Variants in SLC39A11 observed in about 807,000 individuals in gnomAD.
SLC39A11 encodes zinc transporter ZIP11.
Under a neutral mutation model 36.1 loss-of-function variants are expected in SLC39A11, and 33 were observed. That is an observed-to-expected ratio of 0.91 (90% CI 0.69 to 1.22). SLC39A11 has a LOEUF of 1.22. SLC39A11 is among the 50% of genes most tolerant of loss of function. The probability of loss-of-function intolerance (pLI) is 0.00; values close to 1 mark genes in which losing one functional copy is unlikely to be tolerated. For missense variants in SLC39A11, 432 were observed against 430.3 expected (o/e 1.00, Z -0.03); for synonymous variants, 166 against 170.3 (o/e 0.97, Z 0.20).
intron 5 of SLC39A11, among the ~76,000 whole-genome samples, chr17:72,924,216 C>A (rs187076257): frequency 7.1e-6 from 1 of 140,676 alleles, no homozygotes; most frequent in East Asian, 2.1e-4. Context: ...AGGACACAGA[C>A]AAAACTAAGG....
At chr17:73,070,455 T>C (rs1189433850) in intron 3 of SLC39A11, among the ~76,000 whole-genome samples, 1 of 152,186 alleles carries the variant, frequency 6.6e-6, no homozygotes, top group Non-Finnish European at 1.5e-5. Context: ...ACCTGAACCC[T>C]AAGCATTAAC....
chr17:72,952,900 TTCAGGTAGGCC>T (rs1263105553), intron 4 of SLC39A11, among the ~76,000 whole-genome samples: 1 of 152,194 alleles, frequency 6.6e-6, no homozygotes, highest in African/African-American at 2.4e-5. Flanking sequence ...CACACAGTGC[TTCAGGTAGGCC>T]TCTGGGGCTC....
chr17:72,910,784 G>A (rs1188569133), intron 5 of SLC39A11, among the ~76,000 whole-genome samples: 13 of 149,246 alleles, frequency 8.7e-5, no homozygotes, highest in Admixed American at 5.3e-4. Flanking sequence ...AAAAATAGCC[G>A]GGCGTGATGG....
At chr17:73,057,625 T>C (rs9890084) in intron 3 of SLC39A11, among the ~76,000 whole-genome samples, 49,848 of 152,206 alleles carry the variant, frequency 0.33, 8,292 homozygotes, top group East Asian at 0.42. Context: ...TCCACCTGAA[T>C]TCAGTAATCT....
chr17:73,058,275 G>A (rs780462869), intron 3 of SLC39A11, among the ~76,000 whole-genome samples: 2 of 152,124 alleles, frequency 1.3e-5, no homozygotes, highest in Non-Finnish European at 2.9e-5. Context: ...ATGAGTAATC[G>A]AAGTGTCCTC....
chr17:72,814,567 C>G (rs1031436282), intron 6 of SLC39A11, among the ~76,000 whole-genome samples: 1 of 152,216 alleles, frequency 6.6e-6, no homozygotes, highest in African/African-American at 2.4e-5. Context: ...CTCCAGTAGC[C>G]ATCAGAGGAG....
At chr17:72,921,307 G>A (rs147515084) in intron 5 of SLC39A11, among the ~76,000 whole-genome samples, 44 of 152,230 alleles carry the variant, frequency 2.9e-4, no homozygotes, top group African/African-American at 8.4e-4. Context: ...GTTCTTCCAC[G>A]GGGGGATCAA....
intron 6 of SLC39A11, among the ~76,000 whole-genome samples, chr17:72,820,303 G>C (rs1447921272): frequency 6.6e-6 from 1 of 151,062 alleles, no homozygotes; most frequent in Non-Finnish European, 1.5e-5. Flanking sequence ...GTGCCCCCAG[G>C]GTCACATGGA....
At chr17:72,698,169 C>A (rs1236111948) in intron 7 of SLC39A11, among the ~76,000 whole-genome samples, 1 of 152,076 alleles carries the variant, frequency 6.6e-6, no homozygotes, top group Non-Finnish European at 1.5e-5. Context: ...TACTTATGCA[C>A]AGGCTGAAAT....
At chr17:73,018,911 G>T (rs2058254807) in intron 4 of SLC39A11, among the ~76,000 whole-genome samples, 1 of 151,872 alleles carries the variant, frequency 6.6e-6, no homozygotes, top group African/African-American at 2.4e-5. Flanking sequence ...GAGTCAAAAT[G>T]CTAAAAACTA....
chr17:73,005,240 A>G (rs1213378168), intron 4 of SLC39A11, among the ~76,000 whole-genome samples: 4 of 152,162 alleles, frequency 2.6e-5, no homozygotes, highest in African/African-American at 9.7e-5. Flanking sequence ...TGCCTCGCAA[A>G]GTGCTAGGAT....
At chr17:72,904,479 G>C (rs1029381665) in intron 5 of SLC39A11, among the ~76,000 whole-genome samples, 1 of 152,054 alleles carries the variant, frequency 6.6e-6, no homozygotes, top group Admixed American at 6.5e-5. Flanking sequence ...ACTCTGGTCT[G>C]CATGGCAAGA....
intron 4 of SLC39A11, among the ~76,000 whole-genome samples, chr17:73,018,235 T>C (rs1598874569): frequency 6.6e-6 from 1 of 152,058 alleles, no homozygotes; most frequent in Admixed American, 6.6e-5. Flanking sequence ...ACTGACAATG[T>C]CCAATATACA....
At chr17:72,907,218 G>A (rs1003740620) in intron 5 of SLC39A11, among the ~76,000 whole-genome samples, 6 of 152,190 alleles carry the variant, frequency 3.9e-5, no homozygotes, top group African/African-American at 9.7e-5. Flanking sequence ...CGCTGGGTGC[G>A]GGGGCTCAGA....
At chr17:72,907,270 A>T (rs972801341) in intron 5 of SLC39A11, among the ~76,000 whole-genome samples, 19 of 152,202 alleles carry the variant, frequency 1.2e-4, no homozygotes, top group Non-Finnish European at 2.5e-4. Flanking sequence ...CGGGCGCATC[A>T]TTTGAGCTCA....
chr17:72,924,803 A>G (rs2083934005), intron 5 of SLC39A11, among the ~76,000 whole-genome samples: 1 of 152,056 alleles, frequency 6.6e-6, no homozygotes, highest in African/African-American at 2.4e-5. Flanking sequence ...GGAGTTCGAG[A>G]CCAGCCTGGC....
intron 7 of SLC39A11, among the ~76,000 whole-genome samples, chr17:72,684,747 C>T (rs1028816973): frequency 1.7e-4 from 26 of 152,208 alleles, no homozygotes; most frequent in African/African-American, 9.6e-5. Context: ...AAGGGGACTA[C>T]GGTGTCATCA....
chr17:72,866,710 G>A (rs2080321501), intron 5 of SLC39A11, among the ~76,000 whole-genome samples: 1 of 152,198 alleles, frequency 6.6e-6, no homozygotes, highest in South Asian at 2.1e-4. Flanking sequence ...TACAGAGAAT[G>A]CAATGCAAAG....
At chr17:72,768,794 T>G (rs2075836208) in intron 6 of SLC39A11, among the ~76,000 whole-genome samples, 1 of 152,116 alleles carries the variant, frequency 6.6e-6, no homozygotes, top group South Asian at 2.1e-4. Context: ...GGAGTCTTGC[T>G]CTGTCACCCA....
Sources: gnomAD v4.1 joint callset for allele counts (sites outside exome capture counted in the v4.1 genomes callset) on GRCh38, gnomAD v4.1.1 for gene constraint, MANE v1.5 for transcripts, NCBI Gene and HGNC (gene_info 2026-07-23, HGNC 2026-07-21) for gene names.